The following CCDC85C variants were observed in gnomAD, a reference collection of about 807,000 sequenced individuals.
CCDC85C encodes the protein coiled-coil domain containing 85C.
Under a neutral mutation model 38.3 loss-of-function variants are expected in CCDC85C, and 18 were observed. That is an observed-to-expected ratio of 0.47 (90% CI 0.33 to 0.70). The LOEUF is 0.70. Ranked by LOEUF, CCDC85C falls within the 30% of genes least tolerant of loss-of-function variation. CCDC85C has a pLI of 0.03. For synonymous variants in CCDC85C, 264 were observed against 293.8 expected (o/e 0.90, Z 1.04); for missense variants, 566 against 621.2 (o/e 0.91, Z 0.94).
chr14:99,579,692 G>A (rs2054944199), intron 1 of CCDC85C, among the ~76,000 whole-genome samples: 1 of 152,194 alleles, frequency 6.6e-6, no homozygotes, highest in South Asian at 2.1e-4. Flanking sequence ...GCTCCCTGGG[G>A]GAGGCAGCGG....
chr14:99,538,897 C>T (rs185903643), intron 1 of CCDC85C, among the ~76,000 whole-genome samples: 1 of 152,266 alleles, frequency 6.6e-6, no homozygotes, highest in Admixed American at 6.5e-5. Context: ...CTGCCCATAG[C>T]CAGCACCTCA....
chr14:99,567,064 C>T (rs944274065), intron 1 of CCDC85C, among the ~76,000 whole-genome samples: 1 of 152,210 alleles, frequency 6.6e-6, no homozygotes, highest in Admixed American at 6.5e-5. Flanking sequence ...CCAAGTAGTC[C>T]AGGCCTAGAT....
At chr14:99,592,725 G>C (rs533029437) in intron 1 of CCDC85C, among the ~76,000 whole-genome samples, 93 of 152,336 alleles carry the variant, frequency 6.1e-4, no homozygotes, top group African/African-American at 2.1e-3. Flanking sequence ...GAAGGCCAAG[G>C]GGCAGAGCAG....
Position 99,507,205 on chromosome 14 carries a change from G to T in CCDC85C, c.*8041C>A. On this transcript the variant is annotated 3_prime_UTR_variant, in exon 6 of 6. Coordinates refer to ENST00000380243, the MANE Select transcript of CCDC85C (RefSeq NM_001144995.2). ...TGCACATCGCCTCTGAATGTTGGAC[G>T]CAGCAGGTCCTGGGAACTTAGAAAA... 1 of 1,015,002 alleles carries T rather than the reference G, an allele frequency of 9.9e-7. No individual in the cohort carries two copies. Among genetic ancestry groups the T allele is most frequent in the South Asian group, 1.3e-5 (1 of 79,236 alleles). 62.9% of individuals were successfully genotyped at this position (1,015,002 alleles called of 1,614,324 possible).
At chr14:99,574,489 C>G (rs1016468574) in intron 1 of CCDC85C, among the ~76,000 whole-genome samples, 4 of 152,112 alleles carry the variant, frequency 2.6e-5, no homozygotes, top group African/African-American at 4.8e-5. Flanking sequence ...CCTCACAGGC[C>G]GAGGCACAGG....
intron 1 of CCDC85C, among the ~76,000 whole-genome samples, chr14:99,577,471 C>T (rs544645646): frequency 2.4e-4 from 36 of 151,266 alleles, no homozygotes; most frequent in East Asian, 1.8e-3. Flanking sequence ...TTGCTGGGCA[C>T]GCCGCCTCAC....
At chr14:99,519,565 A>G (rs765160793) in intron 3 of CCDC85C, among the ~76,000 whole-genome samples, 6 of 152,210 alleles carry the variant, frequency 3.9e-5, no homozygotes, top group Non-Finnish European at 8.8e-5. Flanking sequence ...AGTGTGCACC[A>G]GAGAGAACTG....
chr14:99,500,779 T>C lies in CCDC85C; in HGVS notation c.*14467A>G, dbSNP rs2139869044. ...ATTGATTTTTAGGAGGAAGTAATGG[T>C]TCTGGAGAGAATCTTACTGCAGACC... On this transcript the variant is annotated 3_prime_UTR_variant, in exon 6 of 6. Coordinates refer to ENST00000380243, the MANE Select transcript of CCDC85C (RefSeq NM_001144995.2). 1 of 1,558,938 alleles carries C rather than the reference T, an allele frequency of 6.4e-7. No individual in the cohort carries two copies. The highest frequency in any genetic ancestry group is 1.9e-5 in the Admixed American group (1 of 52,496).
chr14:99,506,936 C>T lies in CCDC85C; in HGVS notation c.*8310G>A. On this transcript the variant is annotated 3_prime_UTR_variant, in exon 6 of 6. Coordinates refer to ENST00000380243, the MANE Select transcript of CCDC85C (RefSeq NM_001144995.2). ...TCATGCATAATGGTTTAGCTGAAAC[C>T]TTCTTCAAGTTCCCTTAAAGCCTTG... 1 of 695,808 alleles carries T rather than the reference C, an allele frequency of 1.4e-6. No individual in the cohort carries two copies. Among genetic ancestry groups the T allele is most frequent in the Non-Finnish European group, 2.6e-6 (1 of 379,472 alleles). The allele number at this position is 695,808 out of a possible 1,614,324, so 43.1% of individuals were successfully genotyped here.
chr14:99,586,515 G>A (rs1020736745), intron 1 of CCDC85C, among the ~76,000 whole-genome samples: 2 of 152,340 alleles, frequency 1.3e-5, no homozygotes, highest in Admixed American at 1.3e-4. Context: ...GCTAGAGTGG[G>A]GGCATGGATA....
chr14:99,522,002 G>C (rs1032001892), intron 3 of CCDC85C, 131 bp downstream of exon 3: 1 of 684,184 alleles, frequency 1.5e-6, no homozygotes, highest in Admixed American at 2.5e-5. Context: ...GATGGGACAC[G>C]GACACAGGGC....
In CCDC85C at chr14:99,506,793, C is replaced by A; in HGVS notation, c.*8453G>T. The A allele has an allele frequency of 2.4e-6, 1 of 414,174 alleles. No homozygotes were observed. The highest frequency in any genetic ancestry group is 4.6e-6 in the Non-Finnish European group (1 of 219,758). 25.7% of individuals were successfully genotyped at this position (414,174 alleles called of 1,614,324 possible). A position where few individuals can be genotyped will look rare whatever the true frequency, so the allele number is the denominator to read the frequency against. The stretch of plus-strand genomic sequence containing the variant: ...CGTTGCTCTGCTGGTCTCACATGGT[C>A]GGAAGGACTTGAGTGAAGTGGTCAG... On this transcript the variant is annotated 3_prime_UTR_variant, in exon 6 of 6. Transcript: ENST00000380243.
At position 99,536,075 on chromosome 14, in the gene CCDC85C, G is replaced by C; in HGVS notation, c.807C>G (p.Thr269=). ...IPNGLHDPSS[T]YIRQLESKVR... ...CTTTGCTCTCCAGTTGCCTGATGTA[G>C]GTGGATGAGGGATCTGGAAGGACAC... Residue 269 remains threonine (T), a synonymous_variant, in exon 2 of 6, where the codon ACC becomes ACG. Transcript: ENST00000380243. The C allele has an allele frequency of 6.4e-7, 1 of 1,550,830 alleles. No individual in the cohort carries two copies. Among genetic ancestry groups the C allele is most frequent in the Non-Finnish European group, 8.7e-7 (1 of 1,146,254 alleles).
At chr14:99,530,809 C>T (rs1489307760) in intron 2 of CCDC85C, among the ~76,000 whole-genome samples, 2 of 152,224 alleles carry the variant, frequency 1.3e-5, no homozygotes, top group Non-Finnish European at 2.9e-5. Context: ...TGAAGCCACA[C>T]AGCAGGTGAG....
At position 99,576,060 on chromosome 14, in the gene CCDC85C, G is replaced by T. The variant is rs971121201; in HGVS notation, c.793+27107C>A. ...CCACCCCACTCCTCCAAACCTCACC[G>T]ATCTGTGCCCGTCTAATGAGGGTGG... On this transcript the variant is annotated intron_variant, in intron 1 of 5. Transcript: ENST00000380243. This position sits in a 1 kb window ranked among gnomAD's most constrained non-coding sequence, Gnocchi z 4.8. Among the ~76,000 whole-genome samples the T allele has an allele frequency of 6.6e-6, 1 of 152,176 alleles. No homozygotes were observed. Among genetic ancestry groups the T allele is most frequent in the South Asian group, 2.1e-4 (1 of 4,832 alleles).
intron 1 of CCDC85C, among the ~76,000 whole-genome samples, chr14:99,553,453 C>T (rs1302143762): frequency 6.6e-6 from 1 of 152,190 alleles, no homozygotes; most frequent in Non-Finnish European, 1.5e-5. Flanking sequence ...CAACCTCCGC[C>T]TCCTGGGTTC....
intron 1 of CCDC85C, among the ~76,000 whole-genome samples, chr14:99,586,003 A>G (rs993495625): frequency 3.9e-5 from 6 of 152,206 alleles, no homozygotes; most frequent in Admixed American, 6.5e-5. Flanking sequence ...ACCCAGACCA[A>G]GCAGTAACAA....
chr14:99,522,055 C>T, intron 3 of CCDC85C, 78 bp downstream of exon 3: 1 of 1,125,890 alleles, frequency 8.9e-7, no homozygotes, highest in South Asian at 1.4e-5. Context: ...CCTTGTGCCC[C>T]TCCGGGCAGG....
intron 1 of CCDC85C, among the ~76,000 whole-genome samples, chr14:99,562,868 C>CA (rs1898144938): frequency 6.6e-6 from 1 of 150,378 alleles, no homozygotes. Context: ...TGCACACACA[C>CA]ACCCATATGC....
Sources: allele counts gnomAD v4.1 joint callset (sites outside exome capture counted in the v4.1 genomes callset), GRCh38; gene constraint gnomAD v4.1.1; non-coding constraint Gnocchi (gnomAD v3.1); transcripts MANE v1.5; gene names NCBI Gene and HGNC (gene_info 2026-07-23, HGNC 2026-07-21).